The following TF variants were observed in gnomAD, a reference collection of about 807,000 sequenced individuals.
TF encodes transferrin, also known as serotransferrin.
TF carries 55 observed loss-of-function variants against 82.4 expected under a neutral mutation model. The observed-to-expected ratio is 0.67, with a 90% CI of 0.54 to 0.84. The LOEUF (loss-of-function observed/expected upper bound fraction) is 0.84. Among genes scored for constraint, TF ranks in the 40% least tolerant of loss-of-function variants. TF has a pLI of 0.00. For synonymous variants in TF, 332 were observed against 332.6 expected, an observed-to-expected ratio of 1.00 and a Z score of 0.02; for missense variants, 737 against 868.4, an observed-to-expected ratio of 0.85 and a Z score of 1.90.
At position 133,756,241 on chromosome 3, in the gene TF, C is replaced by G. The variant is rs757617926; in HGVS notation, c.636-41C>G. ...GACTCTCCAGGTGCAGGAGAAGGGC[C>G]TGCCCTGCAGGAGCCCTGCTGATGT... On this transcript the variant is annotated intron_variant, in intron 5 of 16. Coordinates refer to ENST00000402696, the MANE Select transcript of TF (RefSeq NM_001063.4). The G allele has an allele frequency of 6.9e-6, 11 of 1,603,866 alleles. No individual in the cohort carries two copies. In the East Asian group the frequency reaches 2.0e-4, roughly 29 times the overall value.
At chr3:133,707,223 C>T in the TF span, among the ~76,000 whole-genome samples, 3 of 149,262 alleles carry the variant, frequency 2.0e-5, no homozygotes, top group African/African-American at 2.6e-5. Flanking sequence ...CACACACACA[C>T]GCATGGAAAG....
chr3:133,687,597 A>G, the TF span, among the ~76,000 whole-genome samples: 3 of 152,298 alleles, frequency 2.0e-5, no homozygotes, highest in Admixed American at 6.5e-5. Context: ...GTCACCCCCT[A>G]CCACATGGCA....
intron 14 of TF, among the ~76,000 whole-genome samples, chr3:133,771,743 C>CAAAAAAAAAAAAAAAAAAAAAAAAAAAAA: frequency 1.8e-5 from 1 of 56,550 alleles, no homozygotes; most frequent in Non-Finnish European, 2.9e-5. Context: ...GACTCCGTCT[C>CAAAAAAAAAAAAAAAAAAAAAAAAAAAAA]AAAAAAAAAA....
At chr3:133,710,527 A>G in the TF span, among the ~76,000 whole-genome samples, 1 of 152,090 alleles carries the variant, frequency 6.6e-6, no homozygotes, top group Non-Finnish European at 1.5e-5. Flanking sequence ...TTCTTAGCAG[A>G]CCATTTCACC....
rs201915657 is a variant in TF at position 133,764,925 on chromosome 3, A to G, written c.1330+18A>G. On this transcript the variant is annotated intron_variant, in intron 11 of 16. Coordinates refer to ENST00000402696, the MANE Select transcript of TF (RefSeq NM_001063.4). ...AGAGGCAGGTGAGTTTGAATTGGTA[A>G]CCTCTGGAGTTAAAAGATAAATTCC... 36 of 1,612,894 alleles carry G rather than the reference A, an allele frequency of 2.2e-5. 1 individual carries two copies. Among genetic ancestry groups the G allele is most frequent in the Admixed American group, 1.2e-4 (7 of 59,998 alleles).
chr3:133,670,775 C>A, the TF span, among the ~76,000 whole-genome samples: 29 of 152,212 alleles, frequency 1.9e-4, no homozygotes, highest in Admixed American at 1.9e-3. Flanking sequence ...GATCTCTGCG[C>A]TCATAGATCC....
rs1934722071 is a variant in TF at position 133,787,680 on chromosome 3, A to G, written c.*9060A>G. 6.6e-6 allele frequency: 1 copy of G among 152,224 alleles called. No homozygotes were observed. The highest frequency in any genetic ancestry group is 1.5e-5 in the Non-Finnish European group (1 of 68,032). 9.4% of individuals were successfully genotyped at this position (152,224 alleles called of 1,614,324 possible). ...AGGAAGGTGAGAGGGAAGAAATTAC[A>G]AAAGATGTTTTGCTATTGTGTACTA... On this transcript the variant is annotated 3_prime_UTR_variant, in exon 17 of 17. Transcript: ENST00000402696.
chr3:133,663,468 A>G, the TF span, among the ~76,000 whole-genome samples: 1 of 150,594 alleles, frequency 6.6e-6, no homozygotes, highest in Non-Finnish European at 1.5e-5. Context: ...CAAAAAAACA[A>G]AAATCACTAG....
the TF span, among the ~76,000 whole-genome samples, chr3:133,723,571 G>A: frequency 6.8e-6 from 1 of 147,700 alleles, no homozygotes; most frequent in Admixed American, 6.8e-5. Flanking sequence ...TGTTGATGAA[G>A]CACTTAATTG....
chr3:133,674,345 TGCCCCCTTCCCCGAAGTGCA>T, the TF span, among the ~76,000 whole-genome samples: 2 of 152,300 alleles, frequency 1.3e-5, no homozygotes, highest in African/African-American at 4.8e-5. Context: ...TCCGGGGTGC[TGCCCCCTTCCCCGAAGTGCA>T]GCCTTGCAGA....
chr3:133,717,530 T>C, the TF span, among the ~76,000 whole-genome samples: 1 of 152,196 alleles, frequency 6.6e-6, no homozygotes, highest in African/African-American at 2.4e-5. Context: ...GCAGTCCCAA[T>C]GTTGTTACAG....
chr3:133,696,179 C>T, the TF span, among the ~76,000 whole-genome samples: 5,909 of 152,050 alleles, frequency 0.039, 402 homozygotes, highest in African/African-American at 0.13. Flanking sequence ...AATCTCAGCA[C>T]TTTGGGAGGG....
At chr3:133,766,466 G>A (rs1162023593) in intron 12 of TF, 33 bp downstream of exon 12, 13 of 1,613,744 alleles carry the variant, frequency 8.1e-6, no homozygotes, top group African/African-American at 4.0e-5. Context: ...GGCTGGTGAG[G>A]GCCATGCCAG....
chr3:133,782,442 ATGGAATATT>A lies in TF; in HGVS notation c.*3823_*3831del. ...CTGTATACACACACACACACACACA[ATGGAATATT>A]ATTCAGCCCTAAAAAGAATATCTTG... On this transcript the variant is annotated 3_prime_UTR_variant, in exon 17 of 17. Transcript: ENST00000402696. 6.8e-6 allele frequency: 1 copy of A among 146,786 alleles called. No individual in the cohort carries two copies. The highest frequency in any genetic ancestry group is 1.5e-5 in the Non-Finnish European group (1 of 66,996). The allele number at this position is 146,786 out of a possible 1,614,324, so 9.1% of individuals were successfully genotyped here.
the TF span, among the ~76,000 whole-genome samples, chr3:133,722,646 T>A: frequency 2.0e-5 from 3 of 152,188 alleles, no homozygotes; most frequent in Non-Finnish European, 1.5e-5. Flanking sequence ...GATAGCAACT[T>A]AACTTTGGCT....
At position 133,757,875 on chromosome 3, in the gene TF, C is replaced by G. The variant is rs572642927; in HGVS notation, c.977C>G (p.Pro326Arg). 3 of 1,614,166 alleles carry G rather than the reference C, an allele frequency of 1.9e-6. No homozygotes were observed. The highest frequency in any genetic ancestry group is 2.7e-5 in the African/African-American group (2 of 75,036). Residue 326 changes from proline (P) to arginine (R), a missense_variant, in exon 8 of 17, where the codon CCC becomes CGC. Coordinates refer to ENST00000402696, the MANE Select transcript of TF (RefSeq NM_001063.4). Reference protein sequence around the residue: ...DSAHGFLKVPPRMDAKMYLGY... With the variant: ...DSAHGFLKVPRRMDAKMYLGY... ...GCCCACGGGTTTTTAAAAGTCCCCCCCAGGATGGATGCCAAGATGTACCTG... is the reference window on the plus strand; with the variant it reads ...GCCCACGGGTTTTTAAAAGTCCCCCGCAGGATGGATGCCAAGATGTACCTG...
the TF span, among the ~76,000 whole-genome samples, chr3:133,673,639 C>A: frequency 1.3e-5 from 2 of 152,116 alleles, no homozygotes; most frequent in East Asian, 1.9e-4. Flanking sequence ...GCATAAAGCT[C>A]AAAAATCAGC....
the TF span, among the ~76,000 whole-genome samples, chr3:133,667,692 A>G: frequency 1.3e-5 from 2 of 152,184 alleles, no homozygotes; most frequent in Non-Finnish European, 2.9e-5. Flanking sequence ...ACACATATCA[A>G]TAGAGGCAAA....
At chr3:133,764,943 T>C in intron 11 of TF, 36 bp downstream of exon 11, 1 of 1,608,954 alleles carries the variant, frequency 6.2e-7, no homozygotes, top group South Asian at 1.1e-5. Context: ...AGTTAAAAGA[T>C]AAATTCCCAT....
Sources: gnomAD v4.1 joint callset for allele counts (sites outside exome capture counted in the v4.1 genomes callset) on GRCh38, gnomAD v4.1.1 for gene constraint, MANE v1.5 for transcripts, NCBI Gene and HGNC (gene_info 2026-07-23, HGNC 2026-07-21) for gene names.